The following MOK variants were observed in gnomAD, a reference collection of about 807,000 sequenced individuals.
The protein encoded by MOK is MAPK/MAK/MRK overlapping kinase.
MOK carries 59 observed loss-of-function variants against 54.2 expected under a neutral mutation model. That is an observed-to-expected ratio of 1.09 (90% CI 0.88 to 1.35). The LOEUF is 1.35. MOK is among the 40% of genes most tolerant of loss of function. The pLI is 0.00. For synonymous variants in MOK, 210 were observed against 202.7 expected, an observed-to-expected ratio of 1.04 and a Z score of -0.31; for missense variants, 517 against 526.2, an observed-to-expected ratio of 0.98 and a Z score of 0.17.
chr14:102,289,418 C>A (rs1424822769), intron 1 of MOK, among the ~76,000 whole-genome samples: 1 of 152,184 alleles, frequency 6.6e-6, no homozygotes, highest in East Asian at 1.9e-4. Context: ...AAACAATCTG[C>A]TTTCAATACT....
chr14:102,248,183 T>A (rs531465110), intron 7 of MOK, among the ~76,000 whole-genome samples: 15 of 152,298 alleles, frequency 9.8e-5, no homozygotes, highest in Admixed American at 9.8e-4. Context: ...CCAAAAAAGC[T>A]TCTTGGTGCT....
At position 102,230,179 on chromosome 14, in the gene MOK, GACCAA is replaced by G; in HGVS notation, c.982-527_982-523del. 6.3e-6 allele frequency: 1 copy of G among 157,798 alleles called. No homozygotes were observed. Among genetic ancestry groups the G allele is most frequent in the South Asian group, 1.9e-4 (1 of 5,312 alleles). 9.8% of individuals were successfully genotyped at this position (157,798 alleles called of 1,614,324 possible). A position where few individuals can be genotyped will look rare whatever the true frequency, so the allele number is the denominator to read the frequency against. ...CTGCCTCAGCCTCCCAAGTAGCTGG[GACCAA>G]AGGCACGCACCACACCCAGCTAATT... On this transcript the variant is annotated intron_variant, in intron 10 of 11. Transcript: ENST00000361847. This position sits in a 1 kb window ranked among gnomAD's most constrained non-coding sequence, Gnocchi z 4.1.
rs370258604 is a variant in MOK, at chr14:102,252,004, T to A, written c.284-9A>T. On this transcript the variant is annotated splice_polypyrimidine_tract_variant and intron_variant, in intron 4 of 11. Coordinates refer to ENST00000361847, the MANE Select transcript of MOK (RefSeq NM_014226.3). Reference sequence around the variant, plus strand: ...TAATGGGTATCTTCTCCCTGTACAATCAAGGAAATAGGCAAATACGGTTAC... The same window carrying A: ...TAATGGGTATCTTCTCCCTGTACAAACAAGGAAATAGGCAAATACGGTTAC... 1.6e-5 allele frequency: 25 copies of A among 1,515,508 alleles called. No homozygotes were observed. The highest frequency in any genetic ancestry group is 1.7e-4 in the Middle Eastern group (1 of 5,886). 93.9% of individuals were successfully genotyped at this position (1,515,508 alleles called of 1,614,324 possible).
At chr14:102,250,141 C>T (rs1466748394) in intron 7 of MOK, among the ~76,000 whole-genome samples, 1 of 152,216 alleles carries the variant, frequency 6.6e-6, no homozygotes, top group Non-Finnish European at 1.5e-5. Flanking sequence ...AAGTGCATTT[C>T]TGTAGCAGTC....
chr14:102,220,451 C>T (rs374218525), downstream of MOK, among the ~76,000 whole-genome samples: 48 of 152,310 alleles, frequency 3.2e-4, 1 homozygote, highest in Middle Eastern at 0.014. The surrounding 1 kb of genome is among the most constrained non-coding windows in gnomAD (Gnocchi z 4.2). Flanking sequence ...TGGCCAGGTG[C>T]GGTGGCTCAC....
intron 2 of MOK, among the ~76,000 whole-genome samples, chr14:102,269,426 C>T (rs2068176371): frequency 6.6e-6 from 1 of 151,142 alleles, no homozygotes; most frequent in Admixed American, 6.6e-5. Flanking sequence ...CTGAGGTGAT[C>T]CACCCGCCTT....
Position 102,274,702 on chromosome 14 carries a change from C to T in MOK, c.122+8776G>A, listed in dbSNP as rs141380820. 5.6e-3 allele frequency among the ~76,000 whole-genome samples: 854 copies of T among 151,774 alleles called. 7 individuals are homozygous for T. The highest frequency in any genetic ancestry group is 0.018 in the African/African-American group (764 of 41,414). ...TTTAAAAAGATGAAGAGGCCGGGCA[C>T]GGTAACTCACGCCTGTAATCCCAGC... On this transcript the variant is annotated intron_variant, in intron 2 of 11. Coordinates refer to ENST00000361847, the MANE Select transcript of MOK (RefSeq NM_014226.3).
chr14:102,250,082 T>C (rs563376664), intron 7 of MOK, among the ~76,000 whole-genome samples: 1 of 152,160 alleles, frequency 6.6e-6, no homozygotes, highest in Non-Finnish European at 1.5e-5. Flanking sequence ...CTTTCCAAAA[T>C]GAAAAGTTAC....
downstream of MOK, chr14:102,224,930 C>T (rs1057326837): frequency 2.6e-6 from 1 of 391,310 alleles, no homozygotes; most frequent in South Asian, 1.9e-5. Context: ...TTTGGTATTT[C>T]TGTCATCTTA....
the MOK span, chr14:102,215,127 GCCACCGGAATTGCTC>G: frequency 2.4e-6 from 1 of 421,092 alleles, no homozygotes; most frequent in East Asian, 1.6e-4. Context: ...AGAACAGCCA[GCCACCGGAATTGCTC>G]CCTCTTACTA....
intron 7 of MOK, among the ~76,000 whole-genome samples, chr14:102,243,787 T>G (rs1247609712): frequency 6.6e-6 from 1 of 152,194 alleles, no homozygotes; most frequent in Non-Finnish European, 1.5e-5. Flanking sequence ...TCTTTCCTGT[T>G]CCTCACCCTG....
rs995479326 is a variant in MOK at position 102,232,228 on chromosome 14, T to C, written c.866+307A>G. On this transcript the variant is annotated intron_variant, in intron 9 of 11. Transcript: ENST00000361847. The surrounding 1 kb of genome is among the most constrained non-coding windows in gnomAD (Gnocchi z 5.1). ...TCAGAATGCATCCTGTTCACACCAT[T>C]TACAAGGGCCGCACACCAGGCTCTT... 5.2e-5 allele frequency: 19 copies of C among 366,804 alleles called. No homozygotes were observed. Among genetic ancestry groups the C allele is most frequent in the Non-Finnish European group, 7.8e-5 (16 of 204,944 alleles). The allele number at this position is 366,804 out of a possible 1,614,324, so 22.7% of individuals were successfully genotyped here.
chr14:102,258,538 T>A (rs1249684993), intron 4 of MOK, among the ~76,000 whole-genome samples: 1 of 152,228 alleles, frequency 6.6e-6, no homozygotes, highest in Non-Finnish European at 1.5e-5. Context: ...GGGAACTGTG[T>A]CTGCTGTGTT....
intron 3 of MOK, among the ~76,000 whole-genome samples, chr14:102,265,586 ACGC>A (rs2067830337): frequency 1.3e-5 from 2 of 152,074 alleles, no homozygotes; most frequent in South Asian, 4.1e-4. Context: ...AGCCAAGATC[ACGC>A]CGCTGCACTC....
the MOK span, among the ~76,000 whole-genome samples, chr14:102,218,742 G>C: frequency 6.6e-6 from 1 of 152,174 alleles, no homozygotes; most frequent in African/African-American, 2.4e-5. Context: ...GCCAAGGCTT[G>C]CCCCGTTCCT....
At chr14:102,227,604 T>TA (rs2064304090), downstream of MOK, among the ~76,000 whole-genome samples, 4 of 152,136 alleles carry the variant, frequency 2.6e-5, no homozygotes, top group South Asian at 8.3e-4. Flanking sequence ...GTCTGAAAAT[T>TA]ACGGCAAGCC....
downstream of MOK, among the ~76,000 whole-genome samples, chr14:102,227,813 T>C (rs2064315281): frequency 6.6e-6 from 1 of 152,268 alleles, no homozygotes; most frequent in Non-Finnish European, 1.5e-5. Flanking sequence ...GCGGCCCCGC[T>C]GTCGTGTCAG....
chr14:102,237,050 C>G (rs2065285401), intron 7 of MOK, among the ~76,000 whole-genome samples: 1 of 152,134 alleles, frequency 6.6e-6, no homozygotes, highest in Admixed American at 6.5e-5. Context: ...TTACTATTCC[C>G]CTGCACCCTG....
chr14:102,300,619 C>A (rs2072083797), intron 1 of MOK, among the ~76,000 whole-genome samples: 1 of 152,236 alleles, frequency 6.6e-6, no homozygotes, highest in East Asian at 1.9e-4. Context: ...TTTTCCAAGT[C>A]AGGATCTGAC....
Sources: allele counts gnomAD v4.1 joint callset (sites outside exome capture counted in the v4.1 genomes callset), GRCh38; gene constraint gnomAD v4.1.1; non-coding constraint Gnocchi (gnomAD v3.1); transcripts MANE v1.5; gene names NCBI Gene and HGNC (gene_info 2026-07-23, HGNC 2026-07-21).